PCNX2: variants seen among roughly 807,000 people sequenced by gnomAD.
PCNX2 encodes pecanex-like protein 2.
In PCNX2, 168 loss-of-function variants were observed where a neutral mutation model predicts 223.8. The observed-to-expected ratio is 0.75, with a 90% CI of 0.66 to 0.85. The LOEUF (loss-of-function observed/expected upper bound fraction) is 0.85. Ranked by LOEUF, PCNX2 falls within the 40% of genes least tolerant of loss-of-function variation. PCNX2 has a pLI of 0.00. For synonymous variants in PCNX2, 1,006 were observed against 1,052.6 expected, an observed-to-expected ratio of 0.96 and a Z score of 0.86; for missense variants, 2,507 against 2,675.5, an observed-to-expected ratio of 0.94 and a Z score of 1.39.
intron 25 of PCNX2, among the ~76,000 whole-genome samples, chr1:233,030,884 T>G (rs1451341337): frequency 6.6e-6 from 1 of 152,256 alleles, no homozygotes; most frequent in African/African-American, 2.4e-5. Context: ...GGGATCTCCA[T>G]GCAGATTTCT....
At position 233,096,814 on chromosome 1, in the gene PCNX2, C is replaced by A. The variant is rs1028982852; in HGVS notation, c.3838-951G>T. ...ACAGAAGGTCACAATGAAAACAGGGCAAGGGTTGGGCAATGGGGCCATTAA... is the reference window on the plus strand; with the variant it reads ...ACAGAAGGTCACAATGAAAACAGGGAAAGGGTTGGGCAATGGGGCCATTAA... On this transcript the variant is annotated intron_variant, in intron 21 of 33. Transcript: ENST00000258229. Among the ~76,000 whole-genome samples the A allele has an allele frequency of 8.5e-5, 13 of 152,236 alleles. 1 individual carries two copies. The East Asian group carries it at 2.3e-3, about 27-fold the overall frequency.
At chr1:233,219,646 A>ATGT (rs1657250402) in intron 10 of PCNX2, among the ~76,000 whole-genome samples, 1 of 152,166 alleles carries the variant, frequency 6.6e-6, no homozygotes, top group Admixed American at 6.5e-5. Flanking sequence ...ATAATAGGAT[A>ATGT]TGTTGTTGAG....
chr1:233,130,787 C>A (rs1207696363), intron 21 of PCNX2, among the ~76,000 whole-genome samples: 2 of 151,722 alleles, frequency 1.3e-5, no homozygotes, highest in South Asian at 2.1e-4. Flanking sequence ...CCGGCACCCC[C>A]CCCTTTTTTT....
chr1:233,057,151 G>T, intron 24 of PCNX2, 81 bp downstream of exon 24: 1 of 1,163,372 alleles, frequency 8.6e-7, no homozygotes, highest in Non-Finnish European at 1.2e-6. Context: ...AATGAGTACA[G>T]AGTGAGTATT....
Position 233,227,263 on chromosome 1 carries a change from A to G in PCNX2, c.2467T>C (p.Trp823Arg). 6.2e-7 allele frequency: 1 copy of G among 1,613,414 alleles called. No homozygotes were observed. Among genetic ancestry groups the G allele is most frequent in the African/African-American group, 1.3e-5 (1 of 75,022 alleles). ...IIFPGKWIKV[W>R]YDRLTLLALL... ...GCCAGCAAGGTCAGTCGATCATACCAGACTTTAATCCACTTGCCAGGGAAA... is the reference window on the plus strand; with the variant it reads ...GCCAGCAAGGTCAGTCGATCATACCGGACTTTAATCCACTTGCCAGGGAAA... The change falls in exon 10 of 34, where the codon TGG becomes CGG. Residue 823 changes from tryptophan to arginine, a missense_variant. Physicochemically the swap from Trp to Arg is moderately radical, Grantham distance 101 (BLOSUM62 -3). Around this residue, in one of 3 missense-constraint regions of PCNX2, gnomAD observed 1,031 missense variants for 1,021.7 expected, o/e 1.01. Transcript: ENST00000258229.
intron 20 of PCNX2, among the ~76,000 whole-genome samples, chr1:233,137,731 C>A (rs1432079553): frequency 6.6e-6 from 1 of 152,128 alleles, no homozygotes; most frequent in Non-Finnish European, 1.5e-5. Context: ...AATTGGTGAA[C>A]AATGCCCTGG....
At chr1:233,218,459 T>C (rs183067468) in intron 10 of PCNX2, among the ~76,000 whole-genome samples, 1,879 of 151,870 alleles carry the variant, frequency 0.012, 42 homozygotes, top group African/African-American at 0.04. Flanking sequence ...ACAATGTTAG[T>C]CAGGATGGTC....
At chr1:233,158,395 C>T (rs1289824052) in intron 19 of PCNX2, among the ~76,000 whole-genome samples, 1 of 151,888 alleles carries the variant, frequency 6.6e-6, no homozygotes, top group Non-Finnish European at 1.5e-5. Context: ...GGGAAAGGCA[C>T]AGGTATAGGT....
chr1:233,122,822 C>T (rs1675880375), intron 21 of PCNX2, among the ~76,000 whole-genome samples: 1 of 152,132 alleles, frequency 6.6e-6, no homozygotes, highest in Non-Finnish European at 1.5e-5. Flanking sequence ...TGTGCCTGGC[C>T]ATAAATCTTT....
chr1:233,044,973 T>G (rs1318729096), intron 25 of PCNX2, among the ~76,000 whole-genome samples: 2 of 152,214 alleles, frequency 1.3e-5, no homozygotes, highest in Non-Finnish European at 2.9e-5. Context: ...CCGTCCTATT[T>G]GTATTCTTGA....
At position 232,990,074 on chromosome 1, in the gene PCNX2, G is replaced by A. The variant is rs775508079; in HGVS notation, c.5792-3534C>T. 3.9e-5 allele frequency among the ~76,000 whole-genome samples: 6 copies of A among 152,320 alleles called. No individual in the cohort carries two copies. Among genetic ancestry groups the A allele is most frequent in the East Asian group, 3.9e-4 (2 of 5,170 alleles). On this transcript the variant is annotated intron_variant, in intron 32 of 33. Coordinates refer to ENST00000258229, the MANE Select transcript of PCNX2 (RefSeq NM_014801.4). The surrounding 1 kb of genome is among the most constrained non-coding windows in gnomAD (Gnocchi z 4.3). ...TTCTGGGAGCTGTGTGTCTCAACTC[G>A]GACGGGCATGGTTGTTTTACTTAAC...
At chr1:233,059,211 GT>G (rs1394077043) in intron 23 of PCNX2, among the ~76,000 whole-genome samples, 3 of 152,188 alleles carry the variant, frequency 2.0e-5, no homozygotes, top group African/African-American at 7.2e-5. Context: ...CTTGACTCCT[GT>G]GCTGCTTGAG....
intron 28 of PCNX2, among the ~76,000 whole-genome samples, chr1:233,002,234 C>T (rs534201632): frequency 1.5e-3 from 221 of 152,028 alleles, no homozygotes; most frequent in African/African-American, 5.0e-3. Flanking sequence ...CCAATCCCAC[C>T]ATTTTTTTTA....
At chr1:233,290,449 G>A (rs1274941420) in intron 1 of PCNX2, among the ~76,000 whole-genome samples, 1 of 152,184 alleles carries the variant, frequency 6.6e-6, no homozygotes, top group Non-Finnish European at 1.5e-5. Flanking sequence ...AAAGTGCTAT[G>A]TATATAGCTG....
chr1:233,298,999 T>C (rs911124850), upstream of PCNX2, among the ~76,000 whole-genome samples: 8 of 152,234 alleles, frequency 5.3e-5, no homozygotes, highest in African/African-American at 1.4e-4. Context: ...CTAAAGTCTT[T>C]ATCTTCAGCC....
chr1:233,186,005 G>C (rs142866213), intron 15 of PCNX2, among the ~76,000 whole-genome samples: 4 of 152,276 alleles, frequency 2.6e-5, no homozygotes, highest in Non-Finnish European at 5.9e-5. Flanking sequence ...GCATAGGGCA[G>C]TCCGGCTTTG....
chr1:233,252,327 C>G (rs756845135), intron 7 of PCNX2, 27 bp downstream of exon 7: 10 of 1,580,746 alleles, frequency 6.3e-6, no homozygotes, highest in Non-Finnish European at 8.6e-6. Flanking sequence ...CCTGCTTGTT[C>G]ATTAGTAAAG....
At chr1:233,243,739 T>A (rs1159642535) in intron 8 of PCNX2, among the ~76,000 whole-genome samples, 1 of 152,238 alleles carries the variant, frequency 6.6e-6, no homozygotes, top group East Asian at 1.9e-4. Context: ...CCTGCTTCTA[T>A]CCAAAGACAG....
At chr1:233,005,883 G>A (rs539445499) in intron 28 of PCNX2, among the ~76,000 whole-genome samples, 104 of 152,344 alleles carry the variant, frequency 6.8e-4, no homozygotes, top group African/African-American at 2.5e-3. Flanking sequence ...TTGCATCTGA[G>A]TCATTGAAGG....
Sources: allele counts gnomAD v4.1 joint callset (sites outside exome capture counted in the v4.1 genomes callset), GRCh38; gene constraint gnomAD v4.1.1; regional missense constraint gnomAD v4.1.1; non-coding constraint Gnocchi (gnomAD v3.1); transcripts MANE v1.5; gene names NCBI Gene and HGNC (gene_info 2026-07-23, HGNC 2026-07-21).